Variants in WRN observed in about 807,000 individuals in gnomAD.
WRN encodes the protein WRN RecQ like helicase, also known as bifunctional 3'-5' exonuclease/ATP-dependent helicase WRN.
Under a neutral mutation model 180.7 loss-of-function variants are expected in WRN, and 149 were observed. The observed-to-expected ratio is 0.82, with a 90% CI of 0.72 to 0.94. The LOEUF (loss-of-function observed/expected upper bound fraction) is 0.94. Among genes scored for constraint, WRN ranks in the 40% least tolerant of loss-of-function variants. The probability of loss-of-function intolerance (pLI) is 0.00; values close to 1 mark genes in which losing one functional copy is unlikely to be tolerated. For missense variants in WRN, 1,661 were observed against 1,700.1 expected (o/e 0.98, Z 0.40); for synonymous variants, 548 against 568.9 (o/e 0.96, Z 0.52).
chr8:31,115,642 A>T (rs1158416967), intron 19 of WRN, among the ~76,000 whole-genome samples: 1 of 152,206 alleles, frequency 6.6e-6, no homozygotes, highest in African/African-American at 2.4e-5. Flanking sequence ...AAAATAGTAT[A>T]GTCTTTTTTA....
At chr8:31,047,642 T>A (rs970468061) in intron 1 of WRN, among the ~76,000 whole-genome samples, 5 of 152,196 alleles carry the variant, frequency 3.3e-5, no homozygotes, top group African/African-American at 1.2e-4. Context: ...AACATCCACT[T>A]ACTGATGAAT....
intron 1 of WRN, among the ~76,000 whole-genome samples, chr8:31,044,329 C>T (rs1811770430): frequency 7.2e-6 from 1 of 139,660 alleles, no homozygotes; most frequent in Admixed American, 7.8e-5. Context: ...GCGTGAGCCG[C>T]TTGCCCGACC....
intron 4 of WRN, 59 bp from the exon 5 acceptor site, chr8:31,064,853 AAGT>A: frequency 6.4e-7 from 1 of 1,572,756 alleles, no homozygotes; most frequent in South Asian, 1.1e-5. Flanking sequence ...TATGTATAAG[AAGT>A]AGGACATAAA....
intron 33 of WRN, among the ~76,000 whole-genome samples, chr8:31,159,216 C>T (rs1803510625): frequency 6.6e-6 from 1 of 151,750 alleles, no homozygotes; most frequent in Non-Finnish European, 1.5e-5. Flanking sequence ...AGGAGGAGTG[C>T]TTGAGCTCAG....
At chr8:31,121,065 G>A (rs1238840740) in intron 21 of WRN, among the ~76,000 whole-genome samples, 2 of 151,920 alleles carry the variant, frequency 1.3e-5, no homozygotes, top group Non-Finnish European at 2.9e-5. Flanking sequence ...TAGTTTGTTG[G>A]CACTTAAGTT....
chr8:31,105,177 A>T (rs9649886), intron 18 of WRN, among the ~76,000 whole-genome samples: 7 of 151,982 alleles, frequency 4.6e-5, no homozygotes, highest in African/African-American at 7.3e-5. Context: ...ATGTGAATTG[A>T]GCTCCAATGA....
intron 1 of WRN, among the ~76,000 whole-genome samples, chr8:31,044,006 T>C (rs1457579622): frequency 2.0e-5 from 3 of 152,210 alleles, no homozygotes; most frequent in Non-Finnish European, 4.4e-5. Flanking sequence ...CCTGGATTGT[T>C]CTTTGCATTT....
At chr8:31,158,031 A>G (rs973432000) in intron 33 of WRN, among the ~76,000 whole-genome samples, 2 of 152,186 alleles carry the variant, frequency 1.3e-5, no homozygotes, top group Middle Eastern at 6.8e-3. Context: ...CCTGGCCAAT[A>G]CACTGAGAAA....
At chr8:31,058,638 GT>G in intron 2 of WRN, 95 bp downstream of exon 2, 1 of 1,303,430 alleles carries the variant, frequency 7.7e-7, no homozygotes, top group Non-Finnish European at 1.1e-6. Flanking sequence ...TCAAGTCATT[GT>G]TTAGGTCAGA....
At chr8:31,070,037 T>C (rs963453865) in intron 7 of WRN, among the ~76,000 whole-genome samples, 1 of 152,016 alleles carries the variant, frequency 6.6e-6, no homozygotes, top group Non-Finnish European at 1.5e-5. Flanking sequence ...TTATTTGACC[T>C]TCACTTTTTT....
intron 33 of WRN, among the ~76,000 whole-genome samples, chr8:31,161,872 A>G (rs1803636721): frequency 6.7e-6 from 1 of 149,112 alleles, no homozygotes. Flanking sequence ...AAAAAGGTAC[A>G]TCTGTACAGG....
chr8:31,090,768 G>A, intron 14 of WRN, 66 bp from the exon 15 acceptor site: 4 of 1,320,528 alleles, frequency 3.0e-6, no homozygotes, highest in Non-Finnish European at 2.1e-6. Context: ...AGAAATGAAA[G>A]CATCAAAGGT....
At chr8:31,151,682 C>T (rs1247535955) in intron 31 of WRN, among the ~76,000 whole-genome samples, 1 of 152,034 alleles carries the variant, frequency 6.6e-6, no homozygotes, top group Non-Finnish European at 1.5e-5. Context: ...CTCCTAACTC[C>T]CCTTCAGAAG....
At chr8:31,044,187 G>A (rs1041002929) in intron 1 of WRN, among the ~76,000 whole-genome samples, 1 of 151,292 alleles carries the variant, frequency 6.6e-6, no homozygotes, top group African/African-American at 2.4e-5. Flanking sequence ...GACTACAGGT[G>A]CACGCCGCCA....
At chr8:31,052,128 A>G (rs986393893) in intron 1 of WRN, among the ~76,000 whole-genome samples, 2 of 152,208 alleles carry the variant, frequency 1.3e-5, no homozygotes, top group East Asian at 3.8e-4. Context: ...TAGAGAAAAA[A>G]ATTGCTGGCC....
chr8:31,157,366 A>G lies in WRN; in HGVS notation c.3820-2A>G, dbSNP rs759685032. ...CTGGGTTCTTTGCTGATCTTTCTCT[A>G]GAAGAGCATAGCTGAGAGCAGGATT... On this transcript the variant is annotated splice_acceptor_variant, in intron 32 of 34. Coordinates refer to ENST00000298139, the MANE Select transcript of WRN (RefSeq NM_000553.6). LOFTEE classifies it high-confidence loss of function. 6 of 1,613,836 alleles carry G rather than the reference A, an allele frequency of 3.7e-6. No homozygotes were observed. The Admixed American group carries it at 8.3e-5, about 22-fold the overall frequency.
In WRN at chr8:31,058,499, T is replaced by C; in HGVS notation, c.52T>C (p.Trp18Arg). ...TTAQQRKCPE[W>R]MNVQNKRCAV... ...TGCACAGCAGCGGAAATGTCCTGAA[T>C]GGATGAATGTGCAGAATAAAAGATG... The change falls in exon 2 of 35, where the codon TGG becomes CGG. Residue 18 changes from tryptophan (W) to arginine (R), a missense_variant. Transcript: ENST00000298139. The C allele has an allele frequency of 2.5e-6, 4 of 1,613,864 alleles. No homozygotes were observed. In the South Asian group the frequency reaches 4.4e-5, roughly 18 times the overall value.
At chr8:31,047,418 A>G (rs1023429363) in intron 1 of WRN, among the ~76,000 whole-genome samples, 4 of 152,136 alleles carry the variant, frequency 2.6e-5, no homozygotes, top group South Asian at 2.1e-4. Context: ...ACGTACCACT[A>G]CATCCAGCCA....
chr8:31,120,508 A>G, intron 21 of WRN, 84 bp downstream of exon 21: 1 of 1,329,826 alleles, frequency 7.5e-7, no homozygotes, highest in Non-Finnish European at 1.0e-6. Flanking sequence ...GGCTATTTCC[A>G]GTATCCCAAG....
Sources: allele counts gnomAD v4.1 joint callset (sites outside exome capture counted in the v4.1 genomes callset), GRCh38; gene constraint gnomAD v4.1.1; transcripts MANE v1.5; gene names NCBI Gene and HGNC (gene_info 2026-07-23, HGNC 2026-07-21).